Variants in SPAG16 observed in about 807,000 individuals in gnomAD.
SPAG16 encodes the protein sperm-associated antigen 16 protein.
In SPAG16, 86 loss-of-function variants were observed where a neutral mutation model predicts 80.4. The ratio of observed to expected loss-of-function variants is 1.07; its 90% confidence interval spans 0.90 to 1.28. The LOEUF is 1.28. Among genes scored for constraint, SPAG16 ranks in the 50% most tolerant of loss-of-function variants. The pLI, the probability that SPAG16 is intolerant of heterozygous loss-of-function variation, is 0.00. For missense variants in SPAG16, 870 were observed against 765.3 expected (o/e 1.14, Z -1.61); for synonymous variants, 294 against 265.9 (o/e 1.11, Z -1.03).
intron 10 of SPAG16, among the ~76,000 whole-genome samples, chr2:213,728,614 G>A (rs914248235): frequency 6.6e-6 from 1 of 152,068 alleles, no homozygotes; most frequent in African/African-American, 2.4e-5. Context: ...GGTGGCTCAC[G>A]CCTGTAATCC....
At chr2:213,438,771 A>G (rs1003835018) in intron 9 of SPAG16, among the ~76,000 whole-genome samples, 1 of 152,250 alleles carries the variant, frequency 6.6e-6, no homozygotes, top group African/African-American at 2.4e-5. Flanking sequence ...AACTGAGTTA[A>G]TGAAAAGAGG....
At chr2:213,659,564 C>A (rs1188321194) in intron 10 of SPAG16, among the ~76,000 whole-genome samples, 1 of 152,098 alleles carries the variant, frequency 6.6e-6, no homozygotes, top group African/African-American at 2.4e-5. Context: ...GATACAACTA[C>A]AAGCAGCACT....
chr2:213,600,788 C>G (rs1430625030), intron 10 of SPAG16, among the ~76,000 whole-genome samples: 2 of 152,208 alleles, frequency 1.3e-5, no homozygotes, highest in Admixed American at 6.5e-5. Flanking sequence ...TAAAGACACT[C>G]TCTGTCCTTT....
At chr2:213,756,582 A>G (rs879839647) in intron 10 of SPAG16, among the ~76,000 whole-genome samples, 1 of 152,170 alleles carries the variant, frequency 6.6e-6, no homozygotes, top group Non-Finnish European at 1.5e-5. Flanking sequence ...GTAGACTTTA[A>G]CTTTTGCTTG....
intron 10 of SPAG16, among the ~76,000 whole-genome samples, chr2:213,747,963 A>G (rs1332067964): frequency 6.6e-6 from 1 of 152,246 alleles, no homozygotes; most frequent in Non-Finnish European, 1.5e-5. Flanking sequence ...CTTTCCATAT[A>G]AAACTCAGGG....
At chr2:214,135,713 C>T (rs1164207187) in intron 14 of SPAG16, among the ~76,000 whole-genome samples, 1 of 141,218 alleles carries the variant, frequency 7.1e-6, no homozygotes, top group East Asian at 2.3e-4. Flanking sequence ...CTCTCTCTCT[C>T]TGTCTCTCTG....
chr2:214,041,448 GTTTC>G (rs1454205246), intron 13 of SPAG16, among the ~76,000 whole-genome samples: 2 of 102,392 alleles, frequency 2.0e-5, no homozygotes, highest in African/African-American at 3.1e-5. Context: ...ATTTGTAGTA[GTTTC>G]TTTTTTTTTT....
At chr2:214,405,835 C>G (rs1358353383) in intron 15 of SPAG16, among the ~76,000 whole-genome samples, 1 of 152,100 alleles carries the variant, frequency 6.6e-6, no homozygotes, top group African/African-American at 2.4e-5. Context: ...ATTCAACCTT[C>G]TGTGAGTCTC....
At chr2:213,645,624 G>A (rs1411338030) in intron 10 of SPAG16, among the ~76,000 whole-genome samples, 3 of 152,090 alleles carry the variant, frequency 2.0e-5, no homozygotes, top group Admixed American at 2.0e-4. Flanking sequence ...GTATCCAAGA[G>A]GCAAGGCAAA....
intron 12 of SPAG16, among the ~76,000 whole-genome samples, chr2:213,950,181 G>A (rs560889805): frequency 2.0e-5 from 3 of 152,240 alleles, no homozygotes; most frequent in East Asian, 3.9e-4. Context: ...GAAAAGGTTC[G>A]TGTAGTGTCT....
At chr2:214,253,076 T>C (rs1176560481) in intron 15 of SPAG16, among the ~76,000 whole-genome samples, 1 of 134,962 alleles carries the variant, frequency 7.4e-6, no homozygotes, top group African/African-American at 2.8e-5. Context: ...CATATGTTTG[T>C]TGGCTGCATA....
intron 11 of SPAG16, among the ~76,000 whole-genome samples, chr2:213,890,707 G>A (rs2076753822): frequency 1.3e-5 from 2 of 151,798 alleles, no homozygotes; most frequent in African/African-American, 4.8e-5. Flanking sequence ...TTAATTAGCT[G>A]CCTATTAAGT....
intron 10 of SPAG16, among the ~76,000 whole-genome samples, chr2:213,647,122 G>A (rs554622924): frequency 7.2e-4 from 109 of 152,282 alleles, no homozygotes; most frequent in African/African-American, 2.5e-3. Flanking sequence ...GAGGAAATGA[G>A]GTGAAGGAAG....
At chr2:213,407,674 CAGAG>C (rs1391731276) in intron 9 of SPAG16, among the ~76,000 whole-genome samples, 8 of 91,308 alleles carry the variant, frequency 8.8e-5, no homozygotes, top group African/African-American at 3.3e-4. Flanking sequence ...GGGAGAGAGA[CAGAG>C]AGGAGAGAGA....
chr2:214,226,961 C>A (rs2058711372), intron 15 of SPAG16, among the ~76,000 whole-genome samples: 1 of 151,886 alleles, frequency 6.6e-6, no homozygotes, highest in Non-Finnish European at 1.5e-5. Context: ...AAGTATGAAT[C>A]AAAATAATTC....
intron 9 of SPAG16, among the ~76,000 whole-genome samples, chr2:213,426,848 C>CACAG (rs2069959215): frequency 7.3e-6 from 1 of 136,848 alleles, no homozygotes. Flanking sequence ...CACACACACA[C>CACAG]ACACACACAC....
intron 7 of SPAG16, among the ~76,000 whole-genome samples, chr2:213,352,880 A>G (rs549252952): frequency 3.9e-5 from 6 of 152,320 alleles, no homozygotes; most frequent in African/African-American, 1.2e-4. Flanking sequence ...ATTAAAGACT[A>G]TCCCAATCTT....
intron 9 of SPAG16, among the ~76,000 whole-genome samples, chr2:213,445,699 G>C (rs1352041473): frequency 6.6e-6 from 1 of 152,074 alleles, no homozygotes; most frequent in Admixed American, 6.6e-5. Flanking sequence ...GTGAAAAAAT[G>C]CTCAACATCA....
intron 11 of SPAG16, among the ~76,000 whole-genome samples, chr2:213,869,539 C>T (rs1166649137): frequency 6.6e-6 from 1 of 151,146 alleles, no homozygotes; most frequent in Non-Finnish European, 1.5e-5. Flanking sequence ...TAATATTCAA[C>T]TTTATATTCT....
Sources: gnomAD v4.1 joint callset for allele counts (sites outside exome capture counted in the v4.1 genomes callset) on GRCh38, gnomAD v4.1.1 for gene constraint, MANE v1.5 for transcripts, NCBI Gene and HGNC (gene_info 2026-07-23, HGNC 2026-07-21) for gene names.